Variants in KIAA0825 observed in about 807,000 individuals in gnomAD.
KIAA0825 encodes the protein KIAA0825.
Under a neutral mutation model 147.6 loss-of-function variants are expected in KIAA0825, and 119 were observed. That is an observed-to-expected ratio of 0.81 (90% CI 0.69 to 0.94). The LOEUF (loss-of-function observed/expected upper bound fraction) is 0.94, where lower values mean the gene tolerates loss of function less well. KIAA0825 is among the 40% of genes least tolerant of loss of function. The pLI, the probability that KIAA0825 is intolerant of heterozygous loss-of-function variation, is 0.00. For missense variants in KIAA0825, 1,381 were observed against 1,472.7 expected, an observed-to-expected ratio of 0.94 and a Z score of 1.02; for synonymous variants, 470 against 518.1, an observed-to-expected ratio of 0.91 and a Z score of 1.26.
At chr5:94,169,352 C>CA (rs1379275703) in intron 20 of KIAA0825, among the ~76,000 whole-genome samples, 1 of 152,108 alleles carries the variant, frequency 6.6e-6, no homozygotes, top group African/African-American at 2.4e-5. Context: ...GAGGCTGAGG[C>CA]AGGTGGATCA....
chr5:94,576,461 T>C (rs1403054405), intron 2 of KIAA0825, among the ~76,000 whole-genome samples: 1 of 152,068 alleles, frequency 6.6e-6, no homozygotes, highest in Non-Finnish European at 1.5e-5. Context: ...GGTGGTTTTA[T>C]AAGAAGAGAA....
chr5:94,312,692 C>A (rs1171507887), intron 20 of KIAA0825, among the ~76,000 whole-genome samples: 2 of 151,722 alleles, frequency 1.3e-5, no homozygotes, highest in African/African-American at 4.8e-5. Flanking sequence ...TGAGCACCCT[C>A]AGAAGATAGC....
intron 14 of KIAA0825, among the ~76,000 whole-genome samples, chr5:94,435,126 T>C (rs1395681923): frequency 1.3e-5 from 2 of 151,482 alleles, no homozygotes; most frequent in Non-Finnish European, 2.9e-5. Context: ...TTTTTTTTTC[T>C]TTTTTTTTAA....
chr5:94,278,837 T>G (rs1475692988), intron 20 of KIAA0825, among the ~76,000 whole-genome samples: 1 of 25,474 alleles, frequency 3.9e-5, no homozygotes, highest in African/African-American at 1.3e-4. Context: ...CTGAATACTT[T>G]CCTAAATTTC....
intron 20 of KIAA0825, among the ~76,000 whole-genome samples, chr5:94,164,842 A>G (rs1045942587): frequency 1.3e-5 from 2 of 152,198 alleles, no homozygotes; most frequent in African/African-American, 4.8e-5. Flanking sequence ...ATCTCTCGCC[A>G]TATAAAAAAA....
chr5:94,448,231 T>A (rs1757971748), intron 13 of KIAA0825, among the ~76,000 whole-genome samples: 1 of 151,412 alleles, frequency 6.6e-6, no homozygotes, highest in Non-Finnish European at 1.5e-5. Context: ...CTAAGGACAA[T>A]GAATAGAGTA....
At chr5:94,518,656 C>T (rs1439918045) in intron 5 of KIAA0825, among the ~76,000 whole-genome samples, 6 of 152,034 alleles carry the variant, frequency 3.9e-5, no homozygotes, top group South Asian at 4.1e-4. Context: ...TTGTCATTAG[C>T]GCAGTGTTTG....
intron 20 of KIAA0825, among the ~76,000 whole-genome samples, chr5:94,244,079 G>A (rs950037163): frequency 5.3e-5 from 8 of 152,132 alleles, no homozygotes; most frequent in African/African-American, 1.7e-4. Context: ...TCTGGTTCCA[G>A]CCAGGCTTCT....
At chr5:94,474,613 A>G (rs1761632658) in intron 7 of KIAA0825, among the ~76,000 whole-genome samples, 2 of 152,164 alleles carry the variant, frequency 1.3e-5, no homozygotes, top group Admixed American at 1.3e-4. Flanking sequence ...ATTTTTTCAC[A>G]TATACTGTAC....
At chr5:94,597,372 G>C (rs940986409) in intron 1 of KIAA0825, among the ~76,000 whole-genome samples, 8 of 151,758 alleles carry the variant, frequency 5.3e-5, no homozygotes, top group African/African-American at 1.9e-4. Flanking sequence ...AAGAAATCTG[G>C]GAAAACCCTC....
intron 1 of KIAA0825, among the ~76,000 whole-genome samples, chr5:94,599,097 G>C (rs1785848050): frequency 6.6e-6 from 1 of 152,012 alleles, no homozygotes; most frequent in Non-Finnish European, 1.5e-5. Context: ...CCCACCAACA[G>C]TATGTAAGAG....
At chr5:94,192,408 A>G (rs1362620917) in intron 20 of KIAA0825, among the ~76,000 whole-genome samples, 1 of 152,232 alleles carries the variant, frequency 6.6e-6, no homozygotes, top group Non-Finnish European at 1.5e-5. Context: ...GACATATTAC[A>G]TATGATTTAT....
At chr5:94,395,386 T>C (rs1259673358) in intron 17 of KIAA0825, among the ~76,000 whole-genome samples, 1 of 152,218 alleles carries the variant, frequency 6.6e-6, no homozygotes, top group African/African-American at 2.4e-5. Context: ...GGGCTGACAG[T>C]GATCTGTAGA....
chr5:94,301,451 C>T (rs1028390120), intron 20 of KIAA0825, among the ~76,000 whole-genome samples: 3 of 151,814 alleles, frequency 2.0e-5, no homozygotes, highest in African/African-American at 7.3e-5. Flanking sequence ...ACAAACATTG[C>T]TGATTACCTG....
At chr5:94,336,540 C>T (rs180688775) in intron 20 of KIAA0825, among the ~76,000 whole-genome samples, 184 of 151,812 alleles carry the variant, frequency 1.2e-3, no homozygotes, top group African/African-American at 4.4e-3. Flanking sequence ...TGTTAGTCTG[C>T]TGAGAATGAT....
intron 20 of KIAA0825, among the ~76,000 whole-genome samples, chr5:94,205,502 A>G (rs61166607): frequency 0.013 from 1,945 of 151,952 alleles, 40 homozygotes; most frequent in African/African-American, 0.045. Flanking sequence ...CATGTTAGCC[A>G]GGATGGTCTC....
intron 18 of KIAA0825, among the ~76,000 whole-genome samples, chr5:94,387,085 G>A (rs1283237608): frequency 6.6e-6 from 1 of 152,066 alleles, no homozygotes; most frequent in Non-Finnish European, 1.5e-5. Context: ...ACTTTTTCTG[G>A]AAGATGACAA....
intron 20 of KIAA0825, among the ~76,000 whole-genome samples, chr5:94,170,954 A>G (rs1463095189): frequency 6.6e-6 from 1 of 152,236 alleles, no homozygotes; most frequent in Non-Finnish European, 1.5e-5. Flanking sequence ...GAAAGGTCAA[A>G]TGATTTGGTA....
rs1231220015 is a variant in KIAA0825 at position 94,520,423 on chromosome 5, A to T, written c.795T>A (p.Ile265=). The change falls in exon 5 of 21, where the codon ATT becomes ATA. Residue 265 remains isoleucine (I), a synonymous_variant. Coordinates refer to ENST00000682413, the MANE Select transcript of KIAA0825 (RefSeq NM_001145678.3). The part of the protein sequence containing the change: ...IKEDFNTLCE[I]LAPSSMVKFI... The stretch of plus-strand genomic sequence containing the variant: ...ATTTCACCATTGAAGATGGAGCTAA[A>T]ATTTCACATAGTGTGTTAAAATCCT... The T allele has an allele frequency of 6.2e-7, 1 of 1,612,940 alleles. No homozygotes were observed. Among genetic ancestry groups the T allele is most frequent in the East Asian group, 2.2e-5 (1 of 44,840 alleles).
Sources: gnomAD v4.1 joint callset for allele counts (sites outside exome capture counted in the v4.1 genomes callset) on GRCh38, gnomAD v4.1.1 for gene constraint, MANE v1.5 for transcripts, NCBI Gene and HGNC (gene_info 2026-07-23, HGNC 2026-07-21) for gene names.